SKAP1: variants seen among roughly 807,000 people sequenced by gnomAD.
The protein encoded by SKAP1 is src kinase associated phosphoprotein 1.
A neutral mutation model predicts 58.5 loss-of-function variants in SKAP1; 44 were observed. The observed-to-expected ratio is 0.75, with a 90% CI of 0.59 to 0.97. SKAP1 has a LOEUF of 0.97. Among genes scored for constraint, SKAP1 ranks in the 50% least tolerant of loss-of-function variants. The probability of loss-of-function intolerance (pLI) is 0.00; values close to 1 mark genes in which losing one functional copy is unlikely to be tolerated. For missense variants in SKAP1, 390 were observed against 435.2 expected (o/e 0.90, Z 0.92); for synonymous variants, 127 against 149.7 (o/e 0.85, Z 1.11).
At chr17:48,344,606 C>T (rs2066697173) in intron 4 of SKAP1, among the ~76,000 whole-genome samples, 1 of 152,178 alleles carries the variant, frequency 6.6e-6, no homozygotes, top group African/African-American at 2.4e-5. Context: ...TGTTAATTTT[C>T]TACAATTATT....
chr17:48,183,854 T>C (rs2064405289), intron 7 of SKAP1, among the ~76,000 whole-genome samples: 1 of 152,138 alleles, frequency 6.6e-6, no homozygotes, highest in Admixed American at 6.5e-5. Context: ...AGAAGAATGC[T>C]GAGAAAAGTC....
the SKAP1 span, among the ~76,000 whole-genome samples, chr17:48,435,993 C>G: frequency 6.6e-6 from 1 of 152,134 alleles, no homozygotes; most frequent in Non-Finnish European, 1.5e-5. Context: ...TAGTGGATAT[C>G]GTTGGTCCTC....
At chr17:48,183,072 A>G (rs2064392133) in intron 7 of SKAP1, among the ~76,000 whole-genome samples, 1 of 152,184 alleles carries the variant, frequency 6.6e-6, no homozygotes, top group South Asian at 2.1e-4. Flanking sequence ...TGAGGGTCAG[A>G]GAAGAGTCGG....
intron 4 of SKAP1, chr17:48,193,866 A>C (rs2064585272): frequency 2.6e-6 from 1 of 383,168 alleles, no homozygotes; most frequent in Non-Finnish European, 3.6e-6. Context: ...AAATAGGAAG[A>C]AGTTGCAAAC....
At chr17:48,245,881 A>G (rs1209783425) in intron 4 of SKAP1, among the ~76,000 whole-genome samples, 2 of 152,190 alleles carry the variant, frequency 1.3e-5, no homozygotes, top group Admixed American at 6.5e-5. Flanking sequence ...AGGCTGAGGC[A>G]GGATAATCGC....
intron 4 of SKAP1, among the ~76,000 whole-genome samples, chr17:48,245,742 A>G (rs2143844707): frequency 6.6e-6 from 1 of 152,272 alleles, no homozygotes; most frequent in African/African-American, 2.4e-5. Context: ...TTGGGAGGTC[A>G]AGGTGGGTGG....
intron 1 of SKAP1, among the ~76,000 whole-genome samples, chr17:48,408,073 T>G (rs746305216): frequency 6.6e-6 from 1 of 152,204 alleles, no homozygotes; most frequent in Non-Finnish European, 1.5e-5. Flanking sequence ...ACAAAAGTGG[T>G]AAGAGTTCAA....
intron 4 of SKAP1, among the ~76,000 whole-genome samples, chr17:48,193,155 C>T (rs1464539907): frequency 2.0e-5 from 3 of 152,196 alleles, no homozygotes; most frequent in Non-Finnish European, 2.9e-5. Context: ...GATTCTCCTG[C>T]TCCAGCTTCC....
chr17:48,145,336 C>A (rs189209958), intron 11 of SKAP1, among the ~76,000 whole-genome samples: 1 of 151,768 alleles, frequency 6.6e-6, no homozygotes, highest in Non-Finnish European at 1.5e-5. Flanking sequence ...ATAGACGCAG[C>A]GCTCACCATC....
chr17:48,192,709 AT>A (rs2064564853), intron 4 of SKAP1, among the ~76,000 whole-genome samples: 1 of 152,200 alleles, frequency 6.6e-6, no homozygotes, highest in Non-Finnish European at 1.5e-5. Context: ...TGCTTCGCTT[AT>A]TTAATTTCAT....
At chr17:48,399,267 G>C (rs2067463690) in intron 1 of SKAP1, among the ~76,000 whole-genome samples, 1 of 151,988 alleles carries the variant, frequency 6.6e-6, no homozygotes, top group African/African-American at 2.4e-5. Context: ...TGACATCTAA[G>C]ATTCAATTTA....
chr17:48,249,666 A>G (rs1598469573), intron 4 of SKAP1, among the ~76,000 whole-genome samples: 1 of 147,804 alleles, frequency 6.8e-6, no homozygotes, highest in Non-Finnish European at 1.5e-5. Flanking sequence ...ACCTTGTCTT[A>G]AAAAAAAAAC....
intron 11 of SKAP1, among the ~76,000 whole-genome samples, chr17:48,150,578 A>C (rs1284712020): frequency 6.6e-6 from 1 of 152,126 alleles, no homozygotes; most frequent in Admixed American, 6.6e-5. Flanking sequence ...AGTCCGTTCC[A>C]TTTTCATTAT....
chr17:48,371,894 T>C (rs1183130948), intron 2 of SKAP1, among the ~76,000 whole-genome samples: 2 of 151,888 alleles, frequency 1.3e-5, no homozygotes, highest in Non-Finnish European at 2.9e-5. Context: ...TATTTCCCAA[T>C]TATAAAAAAA....
chr17:48,335,897 C>T (rs914898857), intron 4 of SKAP1, among the ~76,000 whole-genome samples: 4 of 152,048 alleles, frequency 2.6e-5, no homozygotes, highest in Non-Finnish European at 5.9e-5. Context: ...AATAAAAGAA[C>T]AGGAATTTCT....
intron 9 of SKAP1, among the ~76,000 whole-genome samples, chr17:48,173,908 A>G (rs2143398812): frequency 6.6e-6 from 1 of 152,330 alleles, no homozygotes; most frequent in East Asian, 1.9e-4. Context: ...CCTCATTAGC[A>G]TTGATTTTAA....
chr17:48,393,011 G>C (rs148264182), intron 2 of SKAP1, among the ~76,000 whole-genome samples: 2 of 152,122 alleles, frequency 1.3e-5, no homozygotes, highest in African/African-American at 4.8e-5. Flanking sequence ...TCTGAGCACA[G>C]ATCACAACTG....
intron 2 of SKAP1, among the ~76,000 whole-genome samples, chr17:48,373,884 A>AT (rs936614576): frequency 5.3e-5 from 8 of 151,468 alleles, no homozygotes; most frequent in East Asian, 1.9e-4. Flanking sequence ...ATCTAGATGA[A>AT]TTTTTTTTTG....
intron 11 of SKAP1, among the ~76,000 whole-genome samples, chr17:48,157,163 C>A (rs1403721026): frequency 1.3e-5 from 2 of 151,908 alleles, no homozygotes; most frequent in African/African-American, 4.8e-5. Context: ...ATAAATAACC[C>A]GTCTGTTACA....
Sources: gnomAD v4.1 joint callset for allele counts (sites outside exome capture counted in the v4.1 genomes callset) on GRCh38, gnomAD v4.1.1 for gene constraint, MANE v1.5 for transcripts, NCBI Gene and HGNC (gene_info 2026-07-23, HGNC 2026-07-21) for gene names.